Variants in ADAMTS18 observed in about 807,000 individuals in gnomAD.
The protein encoded by ADAMTS18 is ADAM metallopeptidase with thrombospondin type 1 motif 18.
Under a neutral mutation model 165.9 loss-of-function variants are expected in ADAMTS18, and 157 were observed. The observed-to-expected ratio is 0.95, with a 90% CI of 0.83 to 1.08. The LOEUF (loss-of-function observed/expected upper bound fraction) is 1.08, where lower values mean the gene tolerates loss of function less well. Ranked by LOEUF, ADAMTS18 falls within the 50% of genes least tolerant of loss-of-function variation. The probability of loss-of-function intolerance (pLI) is 0.00; values close to 1 mark genes in which losing one functional copy is unlikely to be tolerated. For missense variants in ADAMTS18, 2,040 were observed against 1,534.0 expected, an observed-to-expected ratio of 1.33 and a Z score of -5.51; for synonymous variants, 782 against 578.2, an observed-to-expected ratio of 1.35 and a Z score of -5.06.
intron 3 of ADAMTS18, among the ~76,000 whole-genome samples, chr16:77,400,281 G>A (rs898649984): frequency 2.0e-5 from 3 of 151,522 alleles, no homozygotes; most frequent in Non-Finnish European, 2.9e-5. Context: ...ACATATCTTC[G>A]CACCTGTTCC....
At chr16:77,430,236 G>T (rs1049412492) in intron 3 of ADAMTS18, among the ~76,000 whole-genome samples, 1 of 152,198 alleles carries the variant, frequency 6.6e-6, no homozygotes, top group Non-Finnish European at 1.5e-5. Flanking sequence ...ATAATATATA[G>T]GTCAATGGTG....
At chr16:77,419,190 T>C (rs1400285469) in intron 3 of ADAMTS18, among the ~76,000 whole-genome samples, 1 of 152,138 alleles carries the variant, frequency 6.6e-6, no homozygotes, top group Non-Finnish European at 1.5e-5. Context: ...GTTGTGTAAG[T>C]CTGAAGTGTG....
chr16:77,392,251 C>T (rs375651136), intron 3 of ADAMTS18, among the ~76,000 whole-genome samples: 3 of 152,182 alleles, frequency 2.0e-5, no homozygotes, highest in South Asian at 2.1e-4. Flanking sequence ...AGTGGTGTCA[C>T]GCTAATTTTG....
At chr16:77,334,748 G>GTACTATAA (rs2056269619) in intron 12 of ADAMTS18, among the ~76,000 whole-genome samples, 1 of 108,894 alleles carries the variant, frequency 9.2e-6, no homozygotes, top group Non-Finnish European at 1.7e-5. Flanking sequence ...TATATATACT[G>GTACTATAA]TATACTATAG....
At chr16:77,364,442 A>G (rs531732707) in intron 4 of ADAMTS18, 61 bp from the exon 5 acceptor site, 1 of 1,551,474 alleles carries the variant, frequency 6.4e-7, no homozygotes, top group South Asian at 1.1e-5. Flanking sequence ...AAGACAGTTG[A>G]GAGAGAAACT....
intron 1 of ADAMTS18, 48 bp from the exon 2 acceptor site, chr16:77,434,553 G>A (rs1172032716): frequency 6.5e-7 from 1 of 1,532,636 alleles, no homozygotes; most frequent in Non-Finnish European, 8.7e-7. Context: ...GGCGGGGCTG[G>A]CGTCGGGCGC....
chr16:77,421,933 CA>C (rs924542073), intron 3 of ADAMTS18, among the ~76,000 whole-genome samples: 9 of 152,004 alleles, frequency 5.9e-5, no homozygotes, highest in African/African-American at 2.2e-4. Flanking sequence ...TAGATCTATG[CA>C]AAAAAACCTC....
At chr16:77,313,713 G>C (rs867494891) in intron 16 of ADAMTS18, among the ~76,000 whole-genome samples, 1 of 152,164 alleles carries the variant, frequency 6.6e-6, no homozygotes, top group Non-Finnish European at 1.5e-5. Context: ...TTCACTTTCA[G>C]CTACAGAACT....
At chr16:77,406,476 T>C (rs1430808638) in intron 3 of ADAMTS18, among the ~76,000 whole-genome samples, 2 of 152,068 alleles carry the variant, frequency 1.3e-5, no homozygotes, top group South Asian at 2.1e-4. Flanking sequence ...CTTGAGGTCC[T>C]TGACACTACA....
At chr16:77,415,601 G>C (rs926478821) in intron 3 of ADAMTS18, among the ~76,000 whole-genome samples, 1 of 151,778 alleles carries the variant, frequency 6.6e-6, no homozygotes, top group South Asian at 2.1e-4. Context: ...GTTCTGACTA[G>C]TCAGTATGTA....
intron 3 of ADAMTS18, among the ~76,000 whole-genome samples, chr16:77,376,825 T>C (rs2056960599): frequency 6.8e-6 from 1 of 147,734 alleles, no homozygotes; most frequent in African/African-American, 2.5e-5. Flanking sequence ...TTTTTTTTTT[T>C]TTTTTTTGAG....
At chr16:77,313,259 A>G (rs1030998962) in intron 16 of ADAMTS18, among the ~76,000 whole-genome samples, 1 of 152,078 alleles carries the variant, frequency 6.6e-6, no homozygotes, top group Non-Finnish European at 1.5e-5. Context: ...ATACTTGGAC[A>G]CAGGAAGGGG....
intron 3 of ADAMTS18, among the ~76,000 whole-genome samples, chr16:77,396,921 C>T (rs1342747045): frequency 6.6e-6 from 1 of 152,036 alleles, no homozygotes; most frequent in Non-Finnish European, 1.5e-5. Context: ...ATTCTCTTGC[C>T]TCAGCCTCCT....
chr16:77,383,038 G>A (rs2057054546), intron 3 of ADAMTS18, among the ~76,000 whole-genome samples: 1 of 152,158 alleles, frequency 6.6e-6, no homozygotes, highest in Non-Finnish European at 1.5e-5. Context: ...ATGGAATGTG[G>A]CATTATGCAG....
intron 12 of ADAMTS18, among the ~76,000 whole-genome samples, chr16:77,334,769 A>ACAG (rs369610703): frequency 2.4e-5 from 1 of 42,420 alleles, no homozygotes; most frequent in Non-Finnish European, 3.9e-5. Context: ...TATACAGTAT[A>ACAG]TATACTATAG....
intron 16 of ADAMTS18, among the ~76,000 whole-genome samples, chr16:77,301,987 G>A (rs1370604405): frequency 7.1e-6 from 1 of 140,346 alleles, no homozygotes; most frequent in African/African-American, 2.6e-5. Context: ...TTATTTTGAA[G>A]ATCTTTCTAG....
In ADAMTS18 at chr16:77,353,816, G is replaced by T; in HGVS notation, c.1531C>A (p.Pro511Thr). The change falls in exon 10 of 23, where the codon CCA (proline) becomes ACA (threonine). Residue 511 changes from proline to threonine, a missense_variant. Pro to Thr is a conservative substitution (Grantham distance 38). Coordinates refer to ENST00000282849, the MANE Select transcript of ADAMTS18 (RefSeq NM_199355.4). ...AGQYKYPDKL[P>T]GQIYDADTQC... ...GTGTCAGCATCATAAATCTGTCCTG[G>T]TAGTTTGTCCGGATATTTATACTGT... 1 of 1,614,106 alleles carries T rather than the reference G, an allele frequency of 6.2e-7. No homozygotes were observed. Among genetic ancestry groups the T allele is most frequent in the Non-Finnish European group, 8.5e-7 (1 of 1,180,018 alleles).
rs190817609 is a variant in ADAMTS18, at chr16:77,287,431, G to A, written c.3550+1833C>T. On this transcript the variant is annotated intron_variant, in intron 22 of 22. Coordinates refer to ENST00000282849, the MANE Select transcript of ADAMTS18 (RefSeq NM_199355.4). ...TGGGTCAGAACAAACACGTGGGCTC[G>A]TATCCTTTATTCTTCCAAAAGCCAC... Among the ~76,000 whole-genome samples the A allele has an allele frequency of 1.9e-3, 294 of 152,166 alleles. 1 individual carries two copies. Among genetic ancestry groups the A allele is most frequent in the African/African-American group, 5.7e-3 (237 of 41,514 alleles).
At position 77,321,146 on chromosome 16, in the gene ADAMTS18, A is replaced by G. The variant is rs111898353; in HGVS notation, c.2220T>C (p.Val740=). 1 of 1,614,196 alleles carries G rather than the reference A, an allele frequency of 6.2e-7. No homozygotes were observed. The highest frequency in any genetic ancestry group is 8.5e-7 in the Non-Finnish European group (1 of 1,180,020). ...TGCAAGTTGAATTATCACCTTTGCAAACGCCACAAGCATCTGAAACTGCTT... is the reference window on the plus strand; with the variant it reads ...TGCAAGTTGAATTATCACCTTTGCAGACGCCACAAGCATCTGAAACTGCTT... ...GSKAVSDACG[V]CKGDNSTCKF... The change falls in exon 15 of 23, where the codon GTT becomes GTC. Residue 740 remains valine, a synonymous_variant. Coordinates refer to ENST00000282849, the MANE Select transcript of ADAMTS18 (RefSeq NM_199355.4).
Sources: allele counts gnomAD v4.1 joint callset (sites outside exome capture counted in the v4.1 genomes callset), GRCh38; gene constraint gnomAD v4.1.1; transcripts MANE v1.5; gene names NCBI Gene and HGNC (gene_info 2026-07-23, HGNC 2026-07-21).